Variants in DOCK3 observed in about 807,000 individuals in gnomAD.
DOCK3 encodes the protein dedicator of cytokinesis 3, also known as dedicator of cytokinesis protein 3.
DOCK3 carries 60 observed loss-of-function variants against 265.6 expected under a neutral mutation model. That is an observed-to-expected ratio of 0.23 (90% CI 0.18 to 0.28). The LOEUF is 0.28. Ranked by LOEUF, DOCK3 falls within the 10% of genes least tolerant of loss-of-function variation. The pLI is 1.00. For missense variants in DOCK3, 1,981 were observed against 2,594.3 expected (o/e 0.76, Z 5.14); for synonymous variants, 881 against 938.0 (o/e 0.94, Z 1.11).
chr3:50,804,909 ATC>A (rs2043321868), intron 2 of DOCK3, among the ~76,000 whole-genome samples: 1 of 152,170 alleles, frequency 6.6e-6, no homozygotes, highest in East Asian at 1.9e-4. Flanking sequence ...TCTTATTCAA[ATC>A]ATGCGTTGAT....
rs777711882 is a variant in DOCK3 at position 51,310,247 on chromosome 3, A to G, written c.2938A>G (p.Ile980Val). ...KDELKEFLLK[I>V]FCVFRNLMKM... is the part of the protein sequence containing the mutation. ...CTGCTGTCAGGAATTTCTGCTGAAGATTTTTTGCGTGTTCCGGAACCTGAT... is the reference window on the plus strand; with the variant it reads ...CTGCTGTCAGGAATTTCTGCTGAAGGTTTTTTGCGTGTTCCGGAACCTGAT... The change falls in exon 28 of 53, where the codon ATT becomes GTT. Residue 980 changes from isoleucine to valine, a missense_variant. Physicochemically the swap from Ile to Val is conservative, Grantham distance 29. Transcript: ENST00000266037. 3 of 1,601,780 alleles carry G rather than the reference A, an allele frequency of 1.9e-6. No individual in the cohort carries two copies. The highest frequency in any genetic ancestry group is 2.6e-6 in the Non-Finnish European group (3 of 1,174,002).
chr3:50,893,244 T>C, intron 4 of DOCK3: 1 of 304,552 alleles, frequency 3.3e-6, no homozygotes, highest in Non-Finnish European at 6.4e-6. Context: ...AGGAACAAAA[T>C]AAATATTCAA....
chr3:50,968,452 A>G (rs1406189606), intron 5 of DOCK3, among the ~76,000 whole-genome samples: 1 of 152,230 alleles, frequency 6.6e-6, no homozygotes, highest in African/African-American at 2.4e-5. Flanking sequence ...CATTGTACTC[A>G]TAAGGCTTCA....
At chr3:51,366,304 G>C (rs1311525594) in intron 49 of DOCK3, among the ~76,000 whole-genome samples, 3 of 152,134 alleles carry the variant, frequency 2.0e-5, no homozygotes, top group Admixed American at 6.5e-5. Flanking sequence ...TCTGATGGTA[G>C]TTTGTATTTC....
intron 9 of DOCK3, among the ~76,000 whole-genome samples, chr3:51,145,452 TC>T (rs1350101112): frequency 2.0e-5 from 3 of 152,238 alleles, no homozygotes; most frequent in Admixed American, 1.3e-4. Context: ...ATTGTTCTAT[TC>T]CCACCTATGA....
At chr3:50,824,954 A>G (rs1277673392) in intron 2 of DOCK3, among the ~76,000 whole-genome samples, 1 of 152,216 alleles carries the variant, frequency 6.6e-6, no homozygotes, top group Non-Finnish European at 1.5e-5. Flanking sequence ...ATTAAATATC[A>G]TAAATTAGCA....
At chr3:51,094,312 G>A (rs2082743462) in intron 9 of DOCK3, among the ~76,000 whole-genome samples, 2 of 152,094 alleles carry the variant, frequency 1.3e-5, no homozygotes, top group South Asian at 4.2e-4. Flanking sequence ...GCTTATTTTG[G>A]TTGGTAGGCT....
intron 12 of DOCK3, among the ~76,000 whole-genome samples, chr3:51,182,190 C>T (rs1425707285): frequency 1.3e-5 from 2 of 152,056 alleles, no homozygotes; most frequent in African/African-American, 4.8e-5. Flanking sequence ...AATCTTGGCC[C>T]CACCATATTA....
chr3:51,247,933 T>C (rs2078916877), intron 22 of DOCK3, among the ~76,000 whole-genome samples: 1 of 152,182 alleles, frequency 6.6e-6, no homozygotes, highest in African/African-American at 2.4e-5. Flanking sequence ...TGGATAAAAG[T>C]TGAGTTAAAT....
At chr3:50,859,916 G>A (rs1347117192) in intron 3 of DOCK3, among the ~76,000 whole-genome samples, 1 of 152,116 alleles carries the variant, frequency 6.6e-6, no homozygotes, top group Non-Finnish European at 1.5e-5. Context: ...TGTAATTTAT[G>A]ACTTTGTACT....
chr3:50,988,264 A>T (rs533677836), intron 5 of DOCK3, among the ~76,000 whole-genome samples: 4 of 152,242 alleles, frequency 2.6e-5, no homozygotes, highest in African/African-American at 9.6e-5. Context: ...CTTTATTAAA[A>T]TGTTGCCACA....
At position 51,381,405 on chromosome 3, in the gene DOCK3, C is replaced by A. The variant is rs375230527; in HGVS notation, c.5939C>A (p.Pro1980His). 1.9e-6 allele frequency: 3 copies of A among 1,612,364 alleles called. No individual in the cohort carries two copies. The highest frequency in any genetic ancestry group is 2.5e-6 in the Non-Finnish European group (3 of 1,179,708). Residue 1980 changes from proline (P) to histidine (H), a missense_variant, in exon 53 of 53, where the codon CCC becomes CAC. Coordinates refer to ENST00000266037, the MANE Select transcript of DOCK3 (RefSeq NM_004947.5). This position sits in a 1 kb window ranked among gnomAD's most constrained non-coding sequence, Gnocchi z 5.6. ...GCGCTGCCGCCCAAGCCCTACCACC[C>A]CCGCCTGCCGGCCCTGGAGCACGAT... Reference protein sequence around the residue: ...PPALPPKPYHPRLPALEHDEG... With the variant: ...PPALPPKPYHHRLPALEHDEG...
intron 2 of DOCK3, among the ~76,000 whole-genome samples, chr3:50,779,367 A>T (rs1238006669): frequency 6.6e-6 from 1 of 151,630 alleles, no homozygotes; most frequent in Admixed American, 6.6e-5. Flanking sequence ...AGGTCCTCAA[A>T]TTTTTTTTAA....
chr3:50,833,676 G>A (rs966886494), intron 2 of DOCK3, among the ~76,000 whole-genome samples: 9 of 152,082 alleles, frequency 5.9e-5, no homozygotes, highest in African/African-American at 2.2e-4. Flanking sequence ...AAGATATGAG[G>A]TCAGTTTTCC....
At chr3:51,324,743 A>G (rs1337347250) in intron 32 of DOCK3, among the ~76,000 whole-genome samples, 1 of 152,226 alleles carries the variant, frequency 6.6e-6, no homozygotes, top group East Asian at 1.9e-4. Flanking sequence ...AACCAAACAG[A>G]GGCCTCAGAA....
In DOCK3 at chr3:51,236,334, T is replaced by C; in HGVS notation, c.1918-11T>C. The C allele has an allele frequency of 6.2e-7, 1 of 1,609,194 alleles. No individual in the cohort carries two copies. Among genetic ancestry groups the C allele is most frequent in the Non-Finnish European group, 8.5e-7 (1 of 1,175,528 alleles). ...TGAGACCTGAGCCCTCTGCTTTTTATGTTGTTTTAGTTTCTGCAGGACATC... is the reference window on the plus strand; with the variant it reads ...TGAGACCTGAGCCCTCTGCTTTTTACGTTGTTTTAGTTTCTGCAGGACATC... On this transcript the variant is annotated splice_polypyrimidine_tract_variant and intron_variant, in intron 19 of 52. Coordinates refer to ENST00000266037, the MANE Select transcript of DOCK3 (RefSeq NM_004947.5).
At chr3:50,687,816 A>G (rs2034937862) in intron 1 of DOCK3, among the ~76,000 whole-genome samples, 1 of 152,188 alleles carries the variant, frequency 6.6e-6, no homozygotes, top group South Asian at 2.1e-4. Context: ...CTGATATGTA[A>G]TCATTCAAAG....
At chr3:51,031,726 G>A (rs548448417) in intron 5 of DOCK3, among the ~76,000 whole-genome samples, 1 of 152,202 alleles carries the variant, frequency 6.6e-6, no homozygotes, top group Non-Finnish European at 1.5e-5. Flanking sequence ...CAATGCAGAA[G>A]TATTGGGGGT....
chr3:51,152,873 T>C (rs191296159), intron 10 of DOCK3, among the ~76,000 whole-genome samples: 13 of 152,246 alleles, frequency 8.5e-5, no homozygotes, highest in Non-Finnish European at 1.6e-4. Context: ...TCTGGAGGCT[T>C]CATCTCAGAG....
Sources: gnomAD v4.1 joint callset for allele counts (sites outside exome capture counted in the v4.1 genomes callset) on GRCh38, gnomAD v4.1.1 for gene constraint, Gnocchi (gnomAD v3.1) non-coding constraint, MANE v1.5 for transcripts, NCBI Gene and HGNC (gene_info 2026-07-23, HGNC 2026-07-21) for gene names.